The following SYT1 variants were observed in gnomAD, a reference collection of about 807,000 sequenced individuals.
SYT1 encodes the protein synaptotagmin 1.
In SYT1, 8 loss-of-function variants were observed where a neutral mutation model predicts 44.8. The observed-to-expected ratio is 0.18, with a 90% CI of 0.10 to 0.32. SYT1 has a LOEUF of 0.32. SYT1 is among the 10% of genes least tolerant of loss of function. The pLI, the probability that SYT1 is intolerant of heterozygous loss-of-function variation, is 1.00. For missense variants in SYT1, 286 were observed against 509.3 expected (o/e 0.56, Z 4.22); for synonymous variants, 154 against 188.8 (o/e 0.82, Z 1.51).
chr12:79,292,745 A>G (rs574642265), intron 6 of SYT1, among the ~76,000 whole-genome samples: 1 of 152,290 alleles, frequency 6.6e-6, no homozygotes, highest in South Asian at 2.1e-4. Context: ...AAGGAACTAA[A>G]GGAGGTAACA....
At chr12:79,113,145 G>C (rs1054197696) in intron 3 of SYT1, among the ~76,000 whole-genome samples, 2 of 152,050 alleles carry the variant, frequency 1.3e-5, no homozygotes, top group Non-Finnish European at 2.9e-5. Flanking sequence ...TAGGATATTT[G>C]TGTTTCTGAT....
intron 9 of SYT1, among the ~76,000 whole-genome samples, chr12:79,383,997 C>G (rs1381005062): frequency 6.6e-6 from 1 of 152,130 alleles, no homozygotes; most frequent in Non-Finnish European, 1.5e-5. Flanking sequence ...TGTGTCCTAA[C>G]TATTTAAGTG....
chr12:79,221,805 T>C (rs983833866), intron 4 of SYT1, among the ~76,000 whole-genome samples: 12 of 152,168 alleles, frequency 7.9e-5, no homozygotes, highest in Admixed American at 3.9e-4. Flanking sequence ...CCTTTTAGCC[T>C]TCATACTGAA....
intron 3 of SYT1, among the ~76,000 whole-genome samples, chr12:79,057,735 A>T (rs189055629): frequency 6.6e-6 from 1 of 152,032 alleles, no homozygotes. Flanking sequence ...GAGTACAGTC[A>T]TGGGTTCTTA....
chr12:79,145,992 C>T (rs1869883795), intron 3 of SYT1, among the ~76,000 whole-genome samples: 1 of 151,940 alleles, frequency 6.6e-6, no homozygotes, highest in Non-Finnish European at 1.5e-5. Flanking sequence ...CTCCTGACCT[C>T]GTGATCCGCC....
chr12:79,392,798 CTTTTTTTTTTTTTTTT>C (rs755888075), intron 9 of SYT1: 6 of 98,918 alleles, frequency 6.1e-5, no homozygotes, highest in African/African-American at 2.2e-4. Flanking sequence ...ATTTTTCTTT[CTTTTTTTTTTTTTTTT>C]TTAGTTATAC....
At chr12:79,361,425 C>T (rs960075259) in intron 9 of SYT1, among the ~76,000 whole-genome samples, 2 of 152,120 alleles carry the variant, frequency 1.3e-5, no homozygotes, top group Non-Finnish European at 2.9e-5. Context: ...CATTGCTCAG[C>T]AGGTTCAACC....
chr12:78,929,377 A>T (rs1212048813), intron 1 of SYT1, among the ~76,000 whole-genome samples: 1 of 130,702 alleles, frequency 7.7e-6, no homozygotes, highest in Non-Finnish European at 1.6e-5. Context: ...ACTCCAGCTC[A>T]TCAGCCTGGG....
intron 7 of SYT1, among the ~76,000 whole-genome samples, 156 bp from the exon 8 acceptor site, chr12:79,299,228 G>T (rs1339174103): frequency 6.6e-6 from 1 of 152,068 alleles, no homozygotes; most frequent in Non-Finnish European, 1.5e-5. Flanking sequence ...GCCTCAAGCA[G>T]TTTGTCAAAA....
chr12:78,974,096 G>A (rs1441706245), intron 1 of SYT1, among the ~76,000 whole-genome samples: 1 of 149,430 alleles, frequency 6.7e-6, no homozygotes, highest in Non-Finnish European at 1.5e-5. Context: ...GATGATATAA[G>A]CTAACTATAT....
intron 1 of SYT1, among the ~76,000 whole-genome samples, chr12:78,931,238 A>AGAAAGAAAGAAAGAAAG (rs1877667216): frequency 7.3e-5 from 3 of 41,120 alleles, no homozygotes; most frequent in African/African-American, 1.1e-4. Context: ...AAAGAAAGAA[A>AGAAAGAAAGAAAGAAAG]GAAGGAAGGA....
At chr12:79,088,738 C>CTGTGTGTGTGTG (rs571903732) in intron 3 of SYT1, among the ~76,000 whole-genome samples, 3 of 137,168 alleles carry the variant, frequency 2.2e-5, no homozygotes, top group Non-Finnish European at 3.2e-5. Context: ...GGCTTTGGGC[C>CTGTGTGTGTGTG]TGTGTGTGTG....
At chr12:79,221,933 CT>C (rs994955510) in intron 4 of SYT1, among the ~76,000 whole-genome samples, 2 of 151,268 alleles carry the variant, frequency 1.3e-5, no homozygotes, top group East Asian at 3.9e-4. Context: ...TCATTAGCAA[CT>C]TTTTTTTTAA....
intron 2 of SYT1, among the ~76,000 whole-genome samples, chr12:79,014,114 ACT>A (rs1871619324): frequency 7.3e-6 from 1 of 136,768 alleles, no homozygotes; most frequent in African/African-American, 2.8e-5. Context: ...ACAGAGTGAG[ACT>A]CTCTCCAAAA....
chr12:78,970,450 AACTC>A (rs1868347224), intron 1 of SYT1, among the ~76,000 whole-genome samples: 1 of 152,184 alleles, frequency 6.6e-6, no homozygotes, highest in Non-Finnish European at 1.5e-5. Context: ...ATCCTGGACT[AACTC>A]AGTAGTATTA....
At chr12:78,867,203 T>G (rs1873591570) in intron 1 of SYT1, among the ~76,000 whole-genome samples, 1 of 152,216 alleles carries the variant, frequency 6.6e-6, no homozygotes, top group East Asian at 1.9e-4. Flanking sequence ...CATGAAAAGA[T>G]GTACAAAAAG....
chr12:79,236,172 T>A (rs74107369), intron 4 of SYT1, among the ~76,000 whole-genome samples: 1 of 152,204 alleles, frequency 6.6e-6, no homozygotes, highest in South Asian at 2.1e-4. Flanking sequence ...CAGCCCATTG[T>A]ACATAAATCT....
At chr12:79,310,063 T>C (rs1420461512) in intron 8 of SYT1, among the ~76,000 whole-genome samples, 1 of 152,210 alleles carries the variant, frequency 6.6e-6, no homozygotes, top group African/African-American at 2.4e-5. Context: ...GCCATTGCTT[T>C]TGGTGTTTTA....
chr12:79,067,584 T>C (rs752855417), intron 3 of SYT1, among the ~76,000 whole-genome samples: 2 of 152,182 alleles, frequency 1.3e-5, no homozygotes, highest in Non-Finnish European at 2.9e-5. Context: ...CAAAAACTTT[T>C]ACATTAACTT....
Sources: allele counts gnomAD v4.1 joint callset (sites outside exome capture counted in the v4.1 genomes callset), GRCh38; gene constraint gnomAD v4.1.1; transcripts MANE v1.5; gene names NCBI Gene and HGNC (gene_info 2026-07-23, HGNC 2026-07-21).